Variants in DSCAML1 observed in about 807,000 individuals in gnomAD.
DSCAML1 encodes the protein cell adhesion molecule DSCAML1.
Under a neutral mutation model 200.5 loss-of-function variants are expected in DSCAML1, and 38 were observed. That is an observed-to-expected ratio of 0.19 (90% CI 0.15 to 0.25). The LOEUF (loss-of-function observed/expected upper bound fraction) is 0.25, where lower values mean the gene tolerates loss of function less well. DSCAML1 is among the 10% of genes least tolerant of loss of function. The pLI, the probability that DSCAML1 is intolerant of heterozygous loss-of-function variation, is 1.00. For synonymous variants in DSCAML1, 1,215 were observed against 1,165.0 expected (o/e 1.04, Z -0.87); for missense variants, 2,223 against 2,858.8 (o/e 0.78, Z 5.07).
At position 117,504,741 on chromosome 11, in the gene DSCAML1, C is replaced by A. The variant is rs544232999; in HGVS notation, c.2182+183G>T. The stretch of plus-strand genomic sequence containing the variant: ...ATGATGGCTGTTCCTGGTCCACAGA[C>A]CCCCGGGGGTGGCTGAGGATGACTC... On this transcript the variant is annotated intron_variant, in intron 10 of 32. Transcript: ENST00000651296. The surrounding 1 kb of genome is among the most constrained non-coding windows in gnomAD (Gnocchi z 5.0). Among the ~76,000 whole-genome samples, 1 of 152,154 alleles carries A rather than the reference C, an allele frequency of 6.6e-6. No homozygotes were observed. Among genetic ancestry groups the A allele is most frequent in the African/African-American group, 2.4e-5 (1 of 41,500 alleles).
chr11:117,772,125 G>C (rs975643530), intron 3 of DSCAML1, among the ~76,000 whole-genome samples: 1 of 152,114 alleles, frequency 6.6e-6, no homozygotes, highest in Admixed American at 6.5e-5. Context: ...GAGGGGCAGG[G>C]TGTCAACAGA....
rs1373241815 is a variant in DSCAML1, at chr11:117,681,551, A to C, written c.511+95240T>G. 2.0e-5 allele frequency among the ~76,000 whole-genome samples: 3 copies of C among 152,198 alleles called. No individual in the cohort carries two copies. The East Asian group carries it at 5.8e-4, about 29-fold the overall frequency. ...CTGCAGGATTTCAAGTTGGAAAAAC[A>C]GTCTCTTGACACTCCAGGGCTTTAT... is the stretch of plus-strand genomic sequence containing the variant. On this transcript the variant is annotated intron_variant, in intron 3 of 32. Coordinates refer to ENST00000651296, the MANE Select transcript of DSCAML1 (RefSeq NM_020693.4).
chr11:117,729,497 T>G (rs1210937774), intron 3 of DSCAML1, among the ~76,000 whole-genome samples: 1 of 152,144 alleles, frequency 6.6e-6, no homozygotes, highest in Non-Finnish European at 1.5e-5. Flanking sequence ...GAAAAGACTA[T>G]AGAAGAAAAT....
intron 3 of DSCAML1, among the ~76,000 whole-genome samples, chr11:117,632,639 G>A (rs577514654): frequency 6.6e-6 from 1 of 152,204 alleles, no homozygotes; most frequent in Non-Finnish European, 1.5e-5. Context: ...TTATGGCATG[G>A]CCCTGATATT....
In DSCAML1 at chr11:117,437,175, C is replaced by A. The variant is rs1056232563; in HGVS notation, c.4667G>T (p.Ser1556Ile). 6.2e-7 allele frequency: 1 copy of A among 1,614,224 alleles called. No homozygotes were observed. The highest frequency in any genetic ancestry group is 8.5e-7 in the Non-Finnish European group (1 of 1,180,054). The part of the protein sequence containing the change: ...WYELRMRACN[S>I]AGCGNETAQF... ...GGCTGTTTCATTGCCGCAGCCCGCACTGTTGCAAGCCCTCATGCGCAGCTC... is the reference window on the plus strand; with the variant it reads ...GGCTGTTTCATTGCCGCAGCCCGCAATGTTGCAAGCCCTCATGCGCAGCTC... The change falls in exon 26 of 33, where the codon AGT (serine) becomes ATT (isoleucine). Residue 1556 changes from serine (S) to isoleucine (I), a missense_variant. Ser to Ile is a moderately radical substitution (Grantham distance 142, BLOSUM62 -2). Transcript: ENST00000651296. This position sits in a 1 kb window ranked among gnomAD's most constrained non-coding sequence, Gnocchi z 5.3.
At chr11:117,592,375 C>T (rs751709872) in intron 3 of DSCAML1, among the ~76,000 whole-genome samples, 1 of 152,130 alleles carries the variant, frequency 6.6e-6, no homozygotes, top group Non-Finnish European at 1.5e-5. Context: ...GCGTCTTAAG[C>T]ATTCTCCACA....
At chr11:117,712,231 C>A (rs935387794) in intron 3 of DSCAML1, among the ~76,000 whole-genome samples, 1 of 152,176 alleles carries the variant, frequency 6.6e-6, no homozygotes, top group African/African-American at 2.4e-5. Flanking sequence ...GCCCTCTCCA[C>A]TCCCTTCATC....
intron 20 of DSCAML1, among the ~76,000 whole-genome samples, chr11:117,447,578 C>T (rs1322441419): frequency 6.6e-6 from 1 of 152,096 alleles, no homozygotes; most frequent in Non-Finnish European, 1.5e-5. Flanking sequence ...AATAAAATTG[C>T]ATTATTTTTA....
chr11:117,527,819 G>T (rs548404223), intron 4 of DSCAML1, among the ~76,000 whole-genome samples: 2 of 152,314 alleles, frequency 1.3e-5, no homozygotes, highest in South Asian at 4.1e-4. Context: ...CTCTCTAGGG[G>T]AAAGAATCTC....
chr11:117,578,772 C>T (rs971430349), intron 3 of DSCAML1, among the ~76,000 whole-genome samples: 1 of 152,146 alleles, frequency 6.6e-6, no homozygotes, highest in African/African-American at 2.4e-5. Flanking sequence ...GAAGTCCCTC[C>T]CATATGCCAA....
At chr11:117,663,946 G>A (rs2052919840) in intron 3 of DSCAML1, among the ~76,000 whole-genome samples, 1 of 152,198 alleles carries the variant, frequency 6.6e-6, no homozygotes, top group Non-Finnish European at 1.5e-5. Context: ...TGTTTCCGCT[G>A]AGCTGTAACA....
intron 3 of DSCAML1, among the ~76,000 whole-genome samples, chr11:117,659,829 C>T (rs1256100306): frequency 6.6e-6 from 1 of 152,146 alleles, no homozygotes; most frequent in Non-Finnish European, 1.5e-5. Flanking sequence ...AGCGATTCTC[C>T]CACCTCAGCC....
intron 3 of DSCAML1, among the ~76,000 whole-genome samples, chr11:117,746,546 G>T (rs11216525): frequency 6.6e-6 from 1 of 152,180 alleles, no homozygotes; most frequent in Non-Finnish European, 1.5e-5. Context: ...AGTCTCCTCA[G>T]ATCCAAGCCT....
intron 3 of DSCAML1, among the ~76,000 whole-genome samples, chr11:117,606,619 A>T (rs922827459): frequency 6.6e-6 from 1 of 152,184 alleles, no homozygotes; most frequent in South Asian, 2.1e-4. Context: ...CCTTCATTTG[A>T]CATGGGTTCC....
chr11:117,739,245 C>T (rs935112488), intron 3 of DSCAML1, among the ~76,000 whole-genome samples: 3 of 152,134 alleles, frequency 2.0e-5, no homozygotes, highest in African/African-American at 2.4e-5. Context: ...CACAGGCTAC[C>T]ATGAAAGATT....
intron 1 of DSCAML1, among the ~76,000 whole-genome samples, chr11:117,815,186 G>A (rs1448962779): frequency 6.6e-6 from 1 of 152,172 alleles, no homozygotes; most frequent in African/African-American, 2.4e-5. Flanking sequence ...TTTTCTCTAA[G>A]AACAGCTATC....
intron 3 of DSCAML1, among the ~76,000 whole-genome samples, chr11:117,561,240 G>T (rs2050656872): frequency 6.6e-6 from 1 of 152,246 alleles, no homozygotes; most frequent in African/African-American, 2.4e-5. Flanking sequence ...CCTAATGGGA[G>T]GTGAGGCTGC....
chr11:117,769,224 GTATA>G (rs2054964429), intron 3 of DSCAML1, among the ~76,000 whole-genome samples: 1 of 3,566 alleles, frequency 2.8e-4, no homozygotes, highest in African/African-American at 4.7e-4. Context: ...TATATATATT[GTATA>G]TATTATATAT....
chr11:117,731,753 C>G (rs2054224069), intron 3 of DSCAML1, among the ~76,000 whole-genome samples: 1 of 152,214 alleles, frequency 6.6e-6, no homozygotes, highest in East Asian at 1.9e-4. Context: ...GCAGAAAACA[C>G]CTCTTATTTG....
Sources: gnomAD v4.1 joint callset for allele counts (sites outside exome capture counted in the v4.1 genomes callset) on GRCh38, gnomAD v4.1.1 for gene constraint, Gnocchi (gnomAD v3.1) non-coding constraint, MANE v1.5 for transcripts, NCBI Gene and HGNC (gene_info 2026-07-23, HGNC 2026-07-21) for gene names.